The following WDR81 variants were observed in gnomAD, a reference collection of about 807,000 sequenced individuals.
WDR81 encodes the protein WD repeat-containing protein 81.
A neutral mutation model predicts 140.8 loss-of-function variants in WDR81; 92 were observed. The ratio of observed to expected loss-of-function variants is 0.65; its 90% CI spans 0.55 to 0.78. The LOEUF is 0.78. Ranked by LOEUF, WDR81 falls within the 30% of genes least tolerant of loss-of-function variation. WDR81 has a pLI of 0.00. For synonymous variants in WDR81, 1,183 were observed against 1,156.4 expected (o/e 1.02, Z -0.47); for missense variants, 2,502 against 2,636.4 (o/e 0.95, Z 1.12).
chr17:1,736,306 C>T, intron 9 of WDR81, 88 bp downstream of exon 9: 9 of 1,447,446 alleles, frequency 6.2e-6, no homozygotes, highest in Non-Finnish European at 7.4e-6. Context: ...TGCCCGGGTT[C>T]AGGCTCGAAC....
chr17:1,724,280 C>T (rs1407457641), upstream of WDR81, among the ~76,000 whole-genome samples: 1 of 152,244 alleles, frequency 6.6e-6, no homozygotes, highest in Non-Finnish European at 1.5e-5. Flanking sequence ...AAGAGAATCG[C>T]TTGAACCCGG....
chr17:1,729,765 A>G (rs1567722598), intron 1 of WDR81, among the ~76,000 whole-genome samples: 2 of 152,102 alleles, frequency 1.3e-5, no homozygotes, highest in African/African-American at 2.4e-5. Flanking sequence ...GATTGAGACC[A>G]TCCTGGCCAA....
chr17:1,727,111 A>T lies in WDR81; in HGVS notation c.2152A>T (p.Arg718Trp). Residue 718 changes from arginine (R) to tryptophan (W), a missense_variant, in exon 1 of 10, where the codon AGG becomes TGG. Arg to Trp is a moderately radical substitution (Grantham distance 101). This residue lies in a region of WDR81 where 1,737 missense variants were observed against 1,843.0 expected (regional missense o/e 0.94). Transcript: ENST00000409644. ...GADPGEGEEG[R>W]ILLPEGFNPM... ...AGACCCTGGGGAGGGTGAGGAGGGG[A>T]GGATTCTTCTTCCCGAGGGCTTCAA... The T allele has an allele frequency of 6.5e-7, 1 of 1,547,144 alleles. No individual in the cohort carries two copies. Among genetic ancestry groups the T allele is most frequent in the East Asian group, 2.4e-5 (1 of 40,848 alleles).
At chr17:1,729,563 T>C (rs1300340784) in intron 1 of WDR81, among the ~76,000 whole-genome samples, 2 of 152,042 alleles carry the variant, frequency 1.3e-5, no homozygotes, top group African/African-American at 4.8e-5. Context: ...CAGTTGAGGT[T>C]CAAGGAGGAG....
intron 1 of WDR81, among the ~76,000 whole-genome samples, chr17:1,728,992 C>T (rs1009906866): frequency 6.6e-6 from 1 of 152,114 alleles, no homozygotes; most frequent in Non-Finnish European, 1.5e-5. Context: ...TCCTGCTTCT[C>T]CCTGCACACT....
chr17:1,725,641 C>T lies in WDR81; in HGVS notation c.682C>T (p.Pro228Ser), dbSNP rs560545893. Reference protein sequence around the residue: ...LLRAEALLESPEMLYVVHPYV... With the variant: ...LLRAEALLESSEMLYVVHPYV... Reference sequence around the variant, plus strand: ...ACGGGCTGAGGCCTTGCTGGAGTCGCCGGAGATGCTGTATGTGGTACACCC... The same window carrying T: ...ACGGGCTGAGGCCTTGCTGGAGTCGTCGGAGATGCTGTATGTGGTACACCC... The change falls in exon 1 of 10, where the codon CCG becomes TCG. Residue 228 changes from proline to serine, a missense_variant. By Grantham distance (74) the Pro-to-Ser change is moderately conservative. This residue lies in a region of WDR81 where 547 missense variants were observed against 513.8 expected (regional missense o/e 1.06). Transcript: ENST00000409644. The T allele has an allele frequency of 7.6e-5, 118 of 1,545,748 alleles. No homozygotes were observed. The South Asian group carries it at 1.3e-3, about 18-fold the overall frequency.
chr17:1,724,933 G>A lies in WDR81; in HGVS notation c.-27G>A. The A allele has an allele frequency of 1.4e-6, 2 of 1,383,256 alleles. No homozygotes were observed. The highest frequency in any genetic ancestry group is 1.7e-5 in the South Asian group (1 of 58,454). 85.7% of individuals were successfully genotyped at this position (1,383,256 alleles called of 1,614,324 possible). A position where few individuals can be genotyped will look rare whatever the true frequency, so the allele number is the denominator to read the frequency against. On this transcript the variant is annotated 5_prime_UTR_variant, in exon 1 of 10. Coordinates refer to ENST00000409644, the MANE Select transcript of WDR81 (RefSeq NM_001163809.2). ...CAGGGCCGTGGCTGGGCTCAGCCCCGCGCTGCCCCCGGGCGGCCTGGAGGA... is the reference window on the plus strand; with the variant it reads ...CAGGGCCGTGGCTGGGCTCAGCCCCACGCTGCCCCCGGGCGGCCTGGAGGA...
chr17:1,736,226 G>T lies in WDR81; in HGVS notation c.5505+8G>T, dbSNP rs1397700769. The T allele has an allele frequency of 1.9e-6, 3 of 1,592,566 alleles. No individual in the cohort carries two copies. Among genetic ancestry groups the T allele is most frequent in the East Asian group, 4.5e-5 (2 of 44,782 alleles). On this transcript the variant is annotated splice_region_variant and intron_variant, in intron 9 of 9. Coordinates refer to ENST00000409644, the MANE Select transcript of WDR81 (RefSeq NM_001163809.2). ...GACATTCTGCAGATCAAGGTGACGG[G>T]CCGGGTCTCCCTCCCCTTGCTGCCC...
chr17:1,716,829 C>T, intron 1 of WDR81: 1 of 656,462 alleles, frequency 1.5e-6, no homozygotes, highest in Admixed American at 2.9e-5. Flanking sequence ...GAGCGTCAGC[C>T]CCCAGGGCAG....
rs1597284020 is a variant in WDR81 at position 1,724,807 on chromosome 17, C to T, written c.-153C>T. On this transcript the variant is annotated 5_prime_UTR_variant, in exon 1 of 10. Transcript: ENST00000409644. Reference sequence around the variant, plus strand: ...GAGGGGTAAGCGCGCCCCCCGTCCGCCTCTTCGCCGCCGCCGGCTTCCTGC... The same window carrying T: ...GAGGGGTAAGCGCGCCCCCCGTCCGTCTCTTCGCCGCCGCCGGCTTCCTGC... The T allele has an allele frequency of 4.2e-6, 5 of 1,195,516 alleles. No homozygotes were observed. The African/African-American group carries it at 4.8e-5, about 11-fold the overall frequency. 74.1% of individuals were successfully genotyped at this position (1,195,516 alleles called of 1,614,324 possible).
At position 1,735,922 on chromosome 17, in the gene WDR81, C is replaced by T; in HGVS notation, c.5326-117C>T. 6.9e-7 allele frequency: 1 copy of T among 1,441,538 alleles called. No homozygotes were observed. The highest frequency in any genetic ancestry group is 1.4e-5 in the African/African-American group (1 of 70,630). 89.3% of individuals were successfully genotyped at this position (1,441,538 alleles called of 1,614,324 possible). ...GTGGGGTTCTGGGCTTTTCATGCCCCCTGATGAGGGTCAGAGGCTCAGGCC... is the reference window on the plus strand; with the variant it reads ...GTGGGGTTCTGGGCTTTTCATGCCCTCTGATGAGGGTCAGAGGCTCAGGCC... On this transcript the variant is annotated intron_variant, in intron 8 of 9. Coordinates refer to ENST00000409644, the MANE Select transcript of WDR81 (RefSeq NM_001163809.2). The surrounding 1 kb of genome is among the most constrained non-coding windows in gnomAD (Gnocchi z 4.2).
At chr17:1,719,335 C>T (rs1195056119) in intron 1 of WDR81, among the ~76,000 whole-genome samples, 1 of 147,766 alleles carries the variant, frequency 6.8e-6, no homozygotes, top group Non-Finnish European at 1.5e-5. Flanking sequence ...ATCACGAGGT[C>T]AGGAGATGGA....
upstream of WDR81, among the ~76,000 whole-genome samples, chr17:1,724,256 C>G (rs773538617): frequency 1.4e-4 from 22 of 152,150 alleles, no homozygotes; most frequent in Non-Finnish European, 3.2e-4. Context: ...CCCAGCTACT[C>G]GGGAGGCCGA....
intron 1 of WDR81, 37 bp from the exon 2 acceptor site, chr17:1,730,343 T>G: frequency 1.3e-6 from 2 of 1,539,916 alleles, no homozygotes; most frequent in Non-Finnish European, 8.9e-7. Flanking sequence ...TGAGCCCCTG[T>G]TATCTGAGGA....
rs1469948318 is a variant in WDR81, at chr17:1,735,781, A to G, written c.5325+64A>G. On this transcript the variant is annotated intron_variant, in intron 8 of 9. Coordinates refer to ENST00000409644, the MANE Select transcript of WDR81 (RefSeq NM_001163809.2). The surrounding 1 kb of genome is among the most constrained non-coding windows in gnomAD (Gnocchi z 4.2). ...TCTGGGGACCTGGCAAGGAGGAGAG[A>G]CTCCCCAAAAACAGAAAGCCAGGAT... is the stretch of plus-strand genomic sequence containing the variant. 6.5e-6 allele frequency: 10 copies of G among 1,536,940 alleles called. No individual in the cohort carries two copies. Among genetic ancestry groups the G allele is most frequent in the Non-Finnish European group, 7.9e-6 (9 of 1,141,824 alleles).
rs367672346 is a variant in WDR81 at position 1,734,077 on chromosome 17, C to T, written c.5040C>T (p.Tyr1680=). The T allele has an allele frequency of 2.4e-4, 385 of 1,604,616 alleles. No individual in the cohort carries two copies. Among genetic ancestry groups the T allele is most frequent in the Non-Finnish European group, 3.0e-4 (357 of 1,179,892 alleles). Residue 1680 remains tyrosine, a synonymous_variant, in exon 7 of 10, where the codon TAC becomes TAT. Transcript: ENST00000409644. ...TGCGCCTCTGGCCGCTGTACAACTA[C>T]GGCGACGGGACCAGCGAGACGGCCC... ...RTVRLWPLYN[Y]GDGTSETAPR...
chr17:1,727,745 T>C lies in WDR81; in HGVS notation c.2786T>C (p.Leu929Pro). Reference sequence around the variant, plus strand: ...CTGGAGATCCTGCTGCCCTTCGTGCTCTCACTCATGTCCGAGGAGCACACA... The same window carrying C: ...CTGGAGATCCTGCTGCCCTTCGTGCCCTCACTCATGTCCGAGGAGCACACA... ...EGLEILLPFV[L>P]SLMSEEHTAV... Residue 929 changes from leucine to proline, a missense_variant, in exon 1 of 10, where the codon CTC becomes CCC. Transcript: ENST00000409644. 1 of 1,550,706 alleles carries C rather than the reference T, an allele frequency of 6.4e-7. No individual in the cohort carries two copies. The highest frequency in any genetic ancestry group is 8.7e-7 in the Non-Finnish European group (1 of 1,146,994).
chr17:1,727,940 G>C lies in WDR81; in HGVS notation c.2981G>C (p.Arg994Pro), dbSNP rs770995429. Residue 994 changes from arginine (R) to proline (P), a missense_variant, in exon 1 of 10, where the codon CGG (arginine) becomes CCG (proline). This residue lies in a region of WDR81 where 1,737 missense variants were observed against 1,843.0 expected (regional missense o/e 0.94). Coordinates refer to ENST00000409644, the MANE Select transcript of WDR81 (RefSeq NM_001163809.2). The part of the protein sequence containing the change: ...TDCFVAQLMV[R>P]LGLQAFLTHL... ...TGCTTTGTGGCCCAGCTGATGGTGCGGCTGGGCCTGCAGGCATTTCTCACT... is the reference window on the plus strand; with the variant it reads ...TGCTTTGTGGCCCAGCTGATGGTGCCGCTGGGCCTGCAGGCATTTCTCACT... 1 of 1,550,366 alleles carries C rather than the reference G, an allele frequency of 6.5e-7. No individual in the cohort carries two copies. Among genetic ancestry groups the C allele is most frequent in the South Asian group, 1.2e-5 (1 of 84,064 alleles).
At chr17:1,719,218 T>C (rs1403678312) in intron 1 of WDR81, among the ~76,000 whole-genome samples, 3 of 152,216 alleles carry the variant, frequency 2.0e-5, no homozygotes, top group Non-Finnish European at 2.9e-5. Flanking sequence ...ATTCAAGCCT[T>C]GTTGTAGGGA....
Sources: allele counts gnomAD v4.1 joint callset (sites outside exome capture counted in the v4.1 genomes callset), GRCh38; gene constraint gnomAD v4.1.1; regional missense constraint gnomAD v4.1.1; non-coding constraint Gnocchi (gnomAD v3.1); transcripts MANE v1.5; gene names NCBI Gene and HGNC (gene_info 2026-07-23, HGNC 2026-07-21).